SEC61A2: variants seen among roughly 807,000 people sequenced by gnomAD.
The protein encoded by SEC61A2 is SEC61 translocon subunit alpha 2, also known as protein transport protein Sec61 subunit alpha isoform 2.
A neutral mutation model predicts 59.9 loss-of-function variants in SEC61A2; 28 were observed. The ratio of observed to expected loss-of-function variants is 0.47; its 90% CI spans 0.35 to 0.64. The LOEUF is 0.64. Among genes scored for constraint, SEC61A2 ranks in the 30% least tolerant of loss-of-function variants. SEC61A2 has a pLI of 0.01. For missense variants in SEC61A2, 340 were observed against 585.9 expected (o/e 0.58, Z 4.33); for synonymous variants, 202 against 214.4 (o/e 0.94, Z 0.50).
intron 9 of SEC61A2, among the ~76,000 whole-genome samples, chr10:12,159,550 C>T (rs1834482835): frequency 6.6e-6 from 1 of 152,048 alleles, no homozygotes; most frequent in Admixed American, 6.6e-5. Flanking sequence ...ACTAGCCGGG[C>T]ACAGTGTTAC....
Position 12,164,708 on chromosome 10 carries a change from T to A in SEC61A2, c.*254T>A. The A allele has an allele frequency of 1.0e-5, 13 of 1,261,576 alleles. No individual in the cohort carries two copies. The highest frequency in any genetic ancestry group is 1.3e-5 in the Non-Finnish European group (13 of 1,003,220). The allele number at this position is 1,261,576 out of a possible 1,614,324, so 78.1% of individuals were successfully genotyped here. On this transcript the variant is annotated 3_prime_UTR_variant, in exon 12 of 12. Transcript: ENST00000298428. This position sits in a 1 kb window ranked among gnomAD's most constrained non-coding sequence, Gnocchi z 7.3. ...GCCTGTAATGCTGGAAACCAGTGTATCTACCTTGCTGTGTTAAATCATGAC... is the reference window on the plus strand; with the variant it reads ...GCCTGTAATGCTGGAAACCAGTGTAACTACCTTGCTGTGTTAAATCATGAC...
chr10:12,140,925 A>T (rs1208231079), intron 3 of SEC61A2, among the ~76,000 whole-genome samples: 1 of 150,944 alleles, frequency 6.6e-6, no homozygotes, highest in African/African-American at 2.4e-5. Context: ...TTTGAGATGG[A>T]GTCTTGTTTT....
chr10:12,132,457 T>TA (rs199517905), intron 1 of SEC61A2, among the ~76,000 whole-genome samples: 3,386 of 150,988 alleles, frequency 0.022, 132 homozygotes, highest in African/African-American at 0.078. Flanking sequence ...CTAGTAAAAA[T>TA]AAAAAAATTA....
At chr10:12,151,555 C>T (rs1338142627) in intron 6 of SEC61A2, among the ~76,000 whole-genome samples, 1 of 152,132 alleles carries the variant, frequency 6.6e-6, no homozygotes, top group Non-Finnish European at 1.5e-5. Flanking sequence ...CGTGATCCGC[C>T]TGCCTCGGCC....
chr10:12,132,127 C>G (rs548227454), intron 1 of SEC61A2, among the ~76,000 whole-genome samples: 5 of 148,470 alleles, frequency 3.4e-5, no homozygotes, highest in Non-Finnish European at 1.5e-5. Context: ...ATGGTGAAAC[C>G]CCGGCTCTAC....
rs1038403278 is a variant in SEC61A2, at chr10:12,158,466, C to T, written c.975+361C>T. Among the ~76,000 whole-genome samples, 3 of 152,136 alleles carry T rather than the reference C, an allele frequency of 2.0e-5. No individual in the cohort carries two copies. The highest frequency in any genetic ancestry group is 2.1e-4 in the South Asian group (1 of 4,822). On this transcript the variant is annotated intron_variant, in intron 9 of 11. Coordinates refer to ENST00000298428, the MANE Select transcript of SEC61A2 (RefSeq NM_018144.4). This position sits in a 1 kb window ranked among gnomAD's most constrained non-coding sequence, Gnocchi z 5.7. Reference sequence around the variant, plus strand: ...TATTTGCTGGCTGGGTGCGGTGGCTCACTCCTGTAATCCCAGGACTTTGGG... The same window carrying T: ...TATTTGCTGGCTGGGTGCGGTGGCTTACTCCTGTAATCCCAGGACTTTGGG...
rs1173727118 is a variant in SEC61A2 at position 12,158,686 on chromosome 10, C to T, written c.975+581C>T. On this transcript the variant is annotated intron_variant, in intron 9 of 11. Coordinates refer to ENST00000298428, the MANE Select transcript of SEC61A2 (RefSeq NM_018144.4). The surrounding 1 kb of genome is among the most constrained non-coding windows in gnomAD (Gnocchi z 5.7). ...TGGAGGTTGCTGTGAGCTGAGATCA[C>T]GCCACTGCACTCCAGCCTGGGCGAC... Among the ~76,000 whole-genome samples, 7 of 152,206 alleles carry T rather than the reference C, an allele frequency of 4.6e-5. No individual in the cohort carries two copies. The highest frequency in any genetic ancestry group is 1.9e-4 in the East Asian group (1 of 5,150).
intron 3 of SEC61A2, among the ~76,000 whole-genome samples, chr10:12,139,677 G>T (rs889638404): frequency 1.4e-4 from 21 of 152,156 alleles, no homozygotes; most frequent in African/African-American, 5.1e-4. Flanking sequence ...CCAGCTGCTC[G>T]GGAGGCTGAG....
chr10:12,136,272 G>A, intron 3 of SEC61A2, 102 bp downstream of exon 3: 1 of 724,480 alleles, frequency 1.4e-6, no homozygotes, highest in Non-Finnish European at 2.4e-6. Flanking sequence ...AATACATTGA[G>A]CTCAATATAT....
rs1486636495 is a variant in SEC61A2, at chr10:12,152,102, G to T, written c.462+2141G>T. On this transcript the variant is annotated intron_variant, in intron 6 of 11. Coordinates refer to ENST00000298428, the MANE Select transcript of SEC61A2 (RefSeq NM_018144.4). The surrounding 1 kb of genome is among the most constrained non-coding windows in gnomAD (Gnocchi z 5.5). ...GACCAGGGCAGGAATTTTTTTTTTC[G>T]AGACGGAGTCCTGCTCTGTCTCCCA... 6.9e-6 allele frequency among the ~76,000 whole-genome samples: 1 copy of T among 145,028 alleles called. No homozygotes were observed. The highest frequency in any genetic ancestry group is 1.5e-5 in the Non-Finnish European group (1 of 66,108).
intron 3 of SEC61A2, among the ~76,000 whole-genome samples, chr10:12,136,787 G>A (rs1833899211): frequency 6.6e-6 from 1 of 151,892 alleles, no homozygotes; most frequent in African/African-American, 2.4e-5. Context: ...ATGCCACCAA[G>A]CTCAGCTAAT....
chr10:12,129,879 G>A lies in SEC61A2; in HGVS notation c.7+85G>A, dbSNP rs867611737. The A allele has an allele frequency of 2.5e-6, 3 of 1,202,966 alleles. No homozygotes were observed. The highest frequency in any genetic ancestry group is 3.2e-6 in the Non-Finnish European group (3 of 932,878). 74.5% of individuals were successfully genotyped at this position (1,202,966 alleles called of 1,614,324 possible). ...CGGGCGGTGGGGCTGGCGCTCGCTCGGAGTCGTGGGGGCCAGGGATGCGCG... is the reference window on the plus strand; with the variant it reads ...CGGGCGGTGGGGCTGGCGCTCGCTCAGAGTCGTGGGGGCCAGGGATGCGCG... On this transcript the variant is annotated intron_variant, in intron 1 of 11. Coordinates refer to ENST00000298428, the MANE Select transcript of SEC61A2 (RefSeq NM_018144.4). This position sits in a 1 kb window ranked among gnomAD's most constrained non-coding sequence, Gnocchi z 5.6.
At position 12,157,075 on chromosome 10, in the gene SEC61A2, TA is replaced by T. The variant is rs748081836; in HGVS notation, c.777+10del. Reference sequence around the variant, plus strand: ...GTTGTTATATATTTCCAAGTAAGTATAACCTTTTCACCAAAGTAAGTGGGAT... The same window carrying T: ...GTTGTTATATATTTCCAAGTAAGTATACCTTTTCACCAAAGTAAGTGGGAT... On this transcript the variant is annotated intron_variant, in intron 8 of 11. Transcript: ENST00000298428. 7.4e-6 allele frequency: 12 copies of T among 1,611,002 alleles called. No homozygotes were observed. Among genetic ancestry groups the T allele is most frequent in the Admixed American group, 6.8e-5 (4 of 59,162 alleles).
downstream of SEC61A2, chr10:12,167,852 G>C (rs374405320): frequency 3.1e-6 from 5 of 1,610,018 alleles, no homozygotes; most frequent in Middle Eastern, 1.7e-4. Context: ...ATGCCGTTAA[G>C]GAAGGACAAA....
At chr10:12,166,458 A>C (rs1834697196), downstream of SEC61A2, 1 of 238,144 alleles carries the variant, frequency 4.2e-6, no homozygotes, top group South Asian at 4.8e-5. Flanking sequence ...CTGTATTTCC[A>C]TAATTGTTTT....
At position 12,158,854 on chromosome 10, in the gene SEC61A2, A is replaced by G. The variant is rs1196813056; in HGVS notation, c.975+749A>G. Among the ~76,000 whole-genome samples, 3 of 152,244 alleles carry G rather than the reference A, an allele frequency of 2.0e-5. No individual in the cohort carries two copies. Among genetic ancestry groups the G allele is most frequent in the Admixed American group, 6.5e-5 (1 of 15,278 alleles). The stretch of plus-strand genomic sequence containing the variant: ...TCCATTTTTCATGGTCTGAATGGCA[A>G]TAAGCCAGCTTGTGATGAGCTGGGC... On this transcript the variant is annotated intron_variant, in intron 9 of 11. Coordinates refer to ENST00000298428, the MANE Select transcript of SEC61A2 (RefSeq NM_018144.4). The surrounding 1 kb of genome is among the most constrained non-coding windows in gnomAD (Gnocchi z 5.7).
At chr10:12,150,776 C>CT (rs764582648) in intron 6 of SEC61A2, among the ~76,000 whole-genome samples, 5,338 of 140,280 alleles carry the variant, frequency 0.038, 130 homozygotes, top group African/African-American at 0.054. Context: ...TCCTAAGTAT[C>CT]TTTTTTTTTT....
rs769359695 is a variant in SEC61A2, at chr10:12,143,408, G to C, written c.220+213G>C. Among the ~76,000 whole-genome samples the C allele has an allele frequency of 6.6e-6, 1 of 152,134 alleles. No homozygotes were observed. The highest frequency in any genetic ancestry group is 1.5e-5 in the Non-Finnish European group (1 of 68,016). On this transcript the variant is annotated intron_variant, in intron 4 of 11. Transcript: ENST00000298428. The surrounding 1 kb of genome is among the most constrained non-coding windows in gnomAD (Gnocchi z 4.8). ...ATGGACTGGAAAACCCTGATCTTCAGTGTCAAAGAAGGTGATGTCCAGATA... is the reference window on the plus strand; with the variant it reads ...ATGGACTGGAAAACCCTGATCTTCACTGTCAAAGAAGGTGATGTCCAGATA...
intron 1 of SEC61A2, 61 bp from the exon 2 acceptor site, chr10:12,133,179 GA>G: frequency 2.4e-6 from 2 of 841,996 alleles, no homozygotes; most frequent in Non-Finnish European, 3.8e-6. Context: ...TGATTTTCTA[GA>G]AAGACAGATC....
Sources: gnomAD v4.1 joint callset for allele counts (sites outside exome capture counted in the v4.1 genomes callset) on GRCh38, gnomAD v4.1.1 for gene constraint, Gnocchi (gnomAD v3.1) non-coding constraint, MANE v1.5 for transcripts, NCBI Gene and HGNC (gene_info 2026-07-23, HGNC 2026-07-21) for gene names.